DLG2: variants seen among roughly 807,000 people sequenced by gnomAD.
DLG2 encodes the protein discs large MAGUK scaffold protein 2.
Under a neutral mutation model 132.5 loss-of-function variants are expected in DLG2, and 45 were observed. The ratio of observed to expected loss-of-function variants is 0.34; its 90% CI spans 0.27 to 0.44. The LOEUF is 0.44. Ranked by LOEUF, DLG2 falls within the 20% of genes least tolerant of loss-of-function variation. The pLI is 1.00. For missense variants in DLG2, 1,045 were observed against 1,196.9 expected (o/e 0.87, Z 1.87); for synonymous variants, 424 against 419.6 (o/e 1.01, Z -0.13).
intron 7 of DLG2, among the ~76,000 whole-genome samples, chr11:84,315,293 C>G (rs879206242): frequency 6.6e-6 from 1 of 152,022 alleles, no homozygotes; most frequent in Admixed American, 6.5e-5. Flanking sequence ...CTTATTATAA[C>G]CTAGTATTAG....
At chr11:85,592,900 C>G (rs1432182567) in intron 3 of DLG2, among the ~76,000 whole-genome samples, 3 of 150,022 alleles carry the variant, frequency 2.0e-5, no homozygotes, top group African/African-American at 7.4e-5. Flanking sequence ...TTGCAGTGAG[C>G]TGAGACTGCA....
intron 19 of DLG2, among the ~76,000 whole-genome samples, chr11:83,556,109 TGAG>T (rs528888789): frequency 5.9e-5 from 9 of 152,286 alleles, no homozygotes; most frequent in South Asian, 2.1e-4. Context: ...GCACGTGTTT[TGAG>T]GAGAAGACTT....
At chr11:83,541,381 A>T (rs892618737) in intron 20 of DLG2, among the ~76,000 whole-genome samples, 2 of 152,224 alleles carry the variant, frequency 1.3e-5, no homozygotes, top group Non-Finnish European at 2.9e-5. Context: ...TCGGCATATG[A>T]GCTGATAAGC....
intron 16 of DLG2, among the ~76,000 whole-genome samples, chr11:83,858,981 A>C (rs1367566762): frequency 6.6e-6 from 1 of 152,176 alleles, no homozygotes; most frequent in African/African-American, 2.4e-5. Context: ...TCAAAATGGG[A>C]ATTTCCCTGC....
chr11:84,547,223 T>C (rs1036235839), intron 6 of DLG2, among the ~76,000 whole-genome samples: 2 of 152,178 alleles, frequency 1.3e-5, no homozygotes, highest in Non-Finnish European at 2.9e-5. Context: ...AGATATGTTA[T>C]TTGATTATAA....
intron 14 of DLG2, among the ~76,000 whole-genome samples, chr11:83,945,995 T>C (rs1211660555): frequency 1.9e-4 from 23 of 118,722 alleles, no homozygotes; most frequent in South Asian, 1.4e-3. Flanking sequence ...CTCTCTCTCT[T>C]TTTTTTTTTT....
intron 11 of DLG2, among the ~76,000 whole-genome samples, chr11:83,986,101 C>T (rs1403737220): frequency 6.6e-6 from 1 of 151,502 alleles, no homozygotes; most frequent in Non-Finnish European, 1.5e-5. Context: ...GGTACATGTG[C>T]ACAATGTGCA....
intron 3 of DLG2, among the ~76,000 whole-genome samples, chr11:85,575,139 T>C (rs1469944415): frequency 6.7e-6 from 1 of 150,218 alleles, no homozygotes; most frequent in Admixed American, 6.6e-5. Context: ...TCTGGATTCC[T>C]ACCTCATTCA....
intron 18 of DLG2, among the ~76,000 whole-genome samples, chr11:83,719,337 T>C (rs760936208): frequency 2.0e-5 from 3 of 152,182 alleles, no homozygotes; most frequent in African/African-American, 4.8e-5. Context: ...TCTTGAGAGA[T>C]TTGAACATAC....
chr11:83,916,813 T>C (rs1337416421), intron 15 of DLG2, among the ~76,000 whole-genome samples: 1 of 152,164 alleles, frequency 6.6e-6, no homozygotes, highest in Admixed American at 6.5e-5. Context: ...TGAAACATTA[T>C]GGTAGATTGT....
At chr11:85,441,501 C>G (rs2091773958) in intron 3 of DLG2, among the ~76,000 whole-genome samples, 1 of 152,174 alleles carries the variant, frequency 6.6e-6, no homozygotes, top group African/African-American at 2.4e-5. Flanking sequence ...CTGTAATACT[C>G]TCCAAATTGG....
chr11:84,512,799 A>G (rs1282584832), intron 7 of DLG2, among the ~76,000 whole-genome samples: 1 of 152,138 alleles, frequency 6.6e-6, no homozygotes, highest in Non-Finnish European at 1.5e-5. Context: ...ATGGAATACT[A>G]CACAGCCATA....
chr11:84,523,181 C>CT (rs2099309756), intron 7 of DLG2, among the ~76,000 whole-genome samples: 1 of 152,114 alleles, frequency 6.6e-6, no homozygotes, highest in South Asian at 2.1e-4. Context: ...TACATACACA[C>CT]TTTCTATTTT....
intron 6 of DLG2, among the ~76,000 whole-genome samples, chr11:85,023,396 A>G (rs971802800): frequency 1.3e-5 from 2 of 152,072 alleles, no homozygotes; most frequent in Non-Finnish European, 2.9e-5. Context: ...GTTATTACCA[A>G]CTTAAAATTT....
chr11:84,018,723 G>C (rs940080440), intron 11 of DLG2, among the ~76,000 whole-genome samples: 2 of 151,750 alleles, frequency 1.3e-5, no homozygotes, highest in Non-Finnish European at 2.9e-5. Context: ...ATACATTAGA[G>C]ATGAGTAGAT....
intron 15 of DLG2, among the ~76,000 whole-genome samples, chr11:83,888,484 A>T (rs2068632094): frequency 1.3e-5 from 2 of 152,292 alleles, no homozygotes; most frequent in South Asian, 4.1e-4. Flanking sequence ...TTCCATGCTC[A>T]TGGGTAGGAA....
chr11:84,657,004 G>T (rs763941527), intron 6 of DLG2, among the ~76,000 whole-genome samples: 1 of 152,016 alleles, frequency 6.6e-6, no homozygotes, highest in African/African-American at 2.4e-5. Flanking sequence ...CCTTAACAAC[G>T]ATTCTTTAAG....
chr11:85,324,478 G>T (rs1039821306), intron 3 of DLG2, among the ~76,000 whole-genome samples: 3 of 152,100 alleles, frequency 2.0e-5, no homozygotes, highest in Non-Finnish European at 4.4e-5. Flanking sequence ...ATTCGGGAAA[G>T]ACTAAAATCA....
intron 7 of DLG2, among the ~76,000 whole-genome samples, chr11:84,406,870 G>C (rs1302118196): frequency 4.6e-5 from 7 of 152,100 alleles, no homozygotes; most frequent in Non-Finnish European, 1.5e-5. Context: ...AAATGGACAG[G>C]GACAGAGAGA....
Sources: gnomAD v4.1 joint callset for allele counts (sites outside exome capture counted in the v4.1 genomes callset) on GRCh38, gnomAD v4.1.1 for gene constraint, MANE v1.5 for transcripts, NCBI Gene and HGNC (gene_info 2026-07-23, HGNC 2026-07-21) for gene names.